The following IFRD1 variants were observed in gnomAD, a reference collection of about 807,000 sequenced individuals.
IFRD1 encodes the protein interferon-related developmental regulator 1.
A neutral mutation model predicts 52.9 loss-of-function variants in IFRD1; 35 were observed. That is an observed-to-expected ratio of 0.66 (90% CI 0.51 to 0.88). The LOEUF (loss-of-function observed/expected upper bound fraction) is 0.88, where lower values mean the gene tolerates loss of function less well. Among genes scored for constraint, IFRD1 ranks in the 40% least tolerant of loss-of-function variants. The pLI, the probability that IFRD1 is intolerant of heterozygous loss-of-function variation, is 0.00. For missense variants in IFRD1, 517 were observed against 550.8 expected, an observed-to-expected ratio of 0.94 and a Z score of 0.61; for synonymous variants, 184 against 188.4, an observed-to-expected ratio of 0.98 and a Z score of 0.19.
chr7:112,458,961 A>T lies in IFRD1; in HGVS notation c.510A>T (p.Gly170=). 6.2e-7 allele frequency: 1 copy of T among 1,613,836 alleles called. No homozygotes were observed. Among genetic ancestry groups the T allele is most frequent in the Non-Finnish European group, 8.5e-7 (1 of 1,179,774 alleles). The change falls in exon 5 of 12, where the codon GGA becomes GGT. Residue 170 remains glycine, a synonymous_variant. Transcript: ENST00000403825. ...GTGAAGAGATTTTGAAAACTCTTGG[A>T]CCAATCCTAAAGAAAATCATTTGTG... ...IESEEILKTL[G]PILKKIICDG...
At position 112,450,711 on chromosome 7, in the gene IFRD1, A is replaced by G. The variant is rs752143232; in HGVS notation, c.23A>G (p.Asn8Ser). The G allele has an allele frequency of 1.9e-6, 3 of 1,612,904 alleles. No individual in the cohort carries two copies. Among genetic ancestry groups the G allele is most frequent in the Non-Finnish European group, 2.5e-6 (3 of 1,179,880 alleles). Residue 8 changes from asparagine to serine, a missense_variant, in exon 1 of 12, where the codon AAC (asparagine) becomes AGC (serine). Asn to Ser is a conservative substitution (Grantham distance 46). Transcript: ENST00000403825. Reference protein sequence around the residue: MPKNKKRNTPHRGSSAGG... With the variant: MPKNKKRSTPHRGSSAGG... The stretch of plus-strand genomic sequence containing the variant: ...ACGATGCCGAAGAACAAGAAGCGGA[A>G]CACTCCCCACCGCGGTAGCAGTGCT...
At chr7:112,459,690 C>T (rs1401684488) in intron 5 of IFRD1, among the ~76,000 whole-genome samples, 1 of 152,096 alleles carries the variant, frequency 6.6e-6, no homozygotes, top group African/African-American at 2.4e-5. Context: ...TTTATTTCTT[C>T]TTCTTATCAT....
intron 10 of IFRD1, 97 bp from the exon 11 acceptor site, chr7:112,472,669 G>T: frequency 1.2e-6 from 1 of 855,044 alleles, no homozygotes; most frequent in South Asian, 1.4e-5. Context: ...TTATCTGTGG[G>T]TTCCACATAA....
chr7:112,436,097 G>C (rs1351061948), intron 1 of IFRD1, among the ~76,000 whole-genome samples: 2 of 151,812 alleles, frequency 1.3e-5, no homozygotes, highest in Non-Finnish European at 2.9e-5. Flanking sequence ...TGGCCAGGCT[G>C]GTCTCAAACT....
At chr7:112,455,582 A>G (rs1163184897) in intron 1 of IFRD1, among the ~76,000 whole-genome samples, 181 bp from the exon 2 acceptor site, 1 of 152,220 alleles carries the variant, frequency 6.6e-6, no homozygotes, top group African/African-American at 2.4e-5. Flanking sequence ...GAAATACGTA[A>G]TTAGGTGAAC....
intron 1 of IFRD1, among the ~76,000 whole-genome samples, chr7:112,451,376 C>T (rs1795160557): frequency 6.6e-6 from 1 of 152,182 alleles, no homozygotes; most frequent in South Asian, 2.1e-4. Flanking sequence ...ACTTTCTCCC[C>T]CCTAGGCTGT....
chr7:112,469,646 C>T (rs1486565701), intron 9 of IFRD1, among the ~76,000 whole-genome samples: 2 of 152,102 alleles, frequency 1.3e-5, no homozygotes, highest in Non-Finnish European at 2.9e-5. Context: ...TGCCCTCATG[C>T]ATCCCCTTTG....
intron 5 of IFRD1, among the ~76,000 whole-genome samples, chr7:112,459,392 TA>T (rs1040922106): frequency 1.3e-5 from 2 of 152,160 alleles, no homozygotes; most frequent in Non-Finnish European, 2.9e-5. Flanking sequence ...TTGGGGGTTT[TA>T]TTTTTTGTTT....
intron 4 of IFRD1, chr7:112,458,216 T>C (rs7798142): frequency 0.19 from 28,407 of 152,020 alleles, 3,590 homozygotes; most frequent in East Asian, 0.66. Context: ...CCCACACTTG[T>C]GGTGTATACA....
At chr7:112,473,046 GTGTGTGTGTGTGTGTGTGTGTA>G (rs771754675) in intron 11 of IFRD1, among the ~76,000 whole-genome samples, 185 bp downstream of exon 11, 2 of 61,912 alleles carry the variant, frequency 3.2e-5, no homozygotes, top group Non-Finnish European at 8.0e-5. Context: ...GTGTGTGTGT[GTGTGTGTGTGTGTGTGTGTGTA>G]TATATGTGTC....
chr7:112,464,485 A>G (rs1795560260), intron 8 of IFRD1, among the ~76,000 whole-genome samples: 1 of 152,136 alleles, frequency 6.6e-6, no homozygotes, highest in Non-Finnish European at 1.5e-5. Context: ...TACTAGTTGG[A>G]TAATATTGGG....
chr7:112,465,896 T>C (rs1795597031), intron 8 of IFRD1, among the ~76,000 whole-genome samples: 1 of 152,212 alleles, frequency 6.6e-6, no homozygotes, highest in Non-Finnish European at 1.5e-5. Flanking sequence ...TGCTTCAGAA[T>C]TTATTGGGGA....
intron 4 of IFRD1, chr7:112,457,615 A>G (rs1795328174): frequency 6.6e-6 from 1 of 152,576 alleles, no homozygotes; most frequent in Admixed American, 6.5e-5. Context: ...ATGGTGGTTC[A>G]CATCTGTAAT....
rs1188201771 is a variant in IFRD1, at chr7:112,476,067, T to C, written c.*548T>C. On this transcript the variant is annotated 3_prime_UTR_variant, in exon 12 of 12. Coordinates refer to ENST00000403825, the MANE Select transcript of IFRD1 (RefSeq NM_001550.4). ...ATTCAGTTCAGCTATTGGGAGTTCATGATGAATTAGCATATGCCAGAAAGG... is the reference window on the plus strand; with the variant it reads ...ATTCAGTTCAGCTATTGGGAGTTCACGATGAATTAGCATATGCCAGAAAGG... 1 of 153,626 alleles carries C rather than the reference T, an allele frequency of 6.5e-6. No individual in the cohort carries two copies. The highest frequency in any genetic ancestry group is 1.4e-5 in the Non-Finnish European group (1 of 69,120). The allele number at this position is 153,626 out of a possible 1,614,324, so 9.5% of individuals were successfully genotyped here.
intron 11 of IFRD1, among the ~76,000 whole-genome samples, chr7:112,474,437 G>C (rs1002755687): frequency 6.6e-6 from 1 of 152,104 alleles, no homozygotes; most frequent in Non-Finnish European, 1.5e-5. Flanking sequence ...TAGCCATTCT[G>C]GTGGGTGTGA....
chr7:112,450,839 CA>C, intron 1 of IFRD1, 57 bp downstream of exon 1: 1 of 1,183,290 alleles, frequency 8.5e-7, no homozygotes, highest in South Asian at 1.2e-5. Context: ...GCGAGTCTTC[CA>C]TGCTTCGGCA....
intron 8 of IFRD1, among the ~76,000 whole-genome samples, chr7:112,467,029 A>G (rs1348459244): frequency 6.6e-6 from 1 of 152,208 alleles, no homozygotes; most frequent in Non-Finnish European, 1.5e-5. Flanking sequence ...TGACAAGAAG[A>G]TATTTATGTA....
At chr7:112,460,791 C>G (rs946941957) in intron 5 of IFRD1, among the ~76,000 whole-genome samples, 2 of 151,962 alleles carry the variant, frequency 1.3e-5, no homozygotes, top group Non-Finnish European at 2.9e-5. Context: ...AAAACCTGGG[C>G]CTGATACCAA....
intron 1 of IFRD1, among the ~76,000 whole-genome samples, chr7:112,435,884 T>C (rs571729679): frequency 6.6e-6 from 1 of 151,892 alleles, no homozygotes; most frequent in Non-Finnish European, 1.5e-5. Flanking sequence ...CTCTTTTTTT[T>C]TTTTGTTTTT....
Sources: allele counts gnomAD v4.1 joint callset (sites outside exome capture counted in the v4.1 genomes callset), GRCh38; gene constraint gnomAD v4.1.1; transcripts MANE v1.5; gene names NCBI Gene and HGNC (gene_info 2026-07-23, HGNC 2026-07-21).